The following FSTL4 variants were observed in gnomAD, a reference collection of about 807,000 sequenced individuals.
FSTL4 encodes the protein follistatin-related protein 4.
FSTL4 carries 28 observed loss-of-function variants against 78.2 expected under a neutral mutation model. The ratio of observed to expected loss-of-function variants is 0.36; its 90% CI spans 0.27 to 0.49. FSTL4 has a LOEUF of 0.49. Among genes scored for constraint, FSTL4 ranks in the 20% least tolerant of loss-of-function variants. FSTL4 has a pLI of 0.98. For synonymous variants in FSTL4, 422 were observed against 440.5 expected, an observed-to-expected ratio of 0.96 and a Z score of 0.53; for missense variants, 922 against 1,084.9, an observed-to-expected ratio of 0.85 and a Z score of 2.11.
At chr5:133,631,732 A>C in the FSTL4 span, among the ~76,000 whole-genome samples, 5 of 152,238 alleles carry the variant, frequency 3.3e-5, no homozygotes, top group Non-Finnish European at 5.9e-5. Flanking sequence ...ACAATAGCAA[A>C]TACTTGAAAC....
At chr5:133,543,256 T>C (rs973883719) in intron 3 of FSTL4, among the ~76,000 whole-genome samples, 1 of 152,146 alleles carries the variant, frequency 6.6e-6, no homozygotes, top group South Asian at 2.1e-4. Flanking sequence ...CCCACTGTGT[T>C]GCTCAGGCTT....
chr5:133,363,971 A>G (rs1755124651), intron 4 of FSTL4, among the ~76,000 whole-genome samples: 1 of 152,172 alleles, frequency 6.6e-6, no homozygotes, highest in Non-Finnish European at 1.5e-5. Context: ...AACACTTGCC[A>G]CTTTGCAATA....
intron 3 of FSTL4, among the ~76,000 whole-genome samples, chr5:133,402,106 C>T (rs1243137678): frequency 6.6e-6 from 1 of 152,080 alleles, no homozygotes; most frequent in Non-Finnish European, 1.5e-5. Flanking sequence ...ACACCAGCAG[C>T]CTTTCCCCAC....
At chr5:133,420,506 G>T (rs1323595142) in intron 3 of FSTL4, among the ~76,000 whole-genome samples, 2 of 152,194 alleles carry the variant, frequency 1.3e-5, no homozygotes, top group East Asian at 3.8e-4. Flanking sequence ...GCAATCCAGG[G>T]CTTCACACCT....
intron 6 of FSTL4, among the ~76,000 whole-genome samples, chr5:133,282,756 G>A (rs1211000645): frequency 6.6e-6 from 1 of 152,076 alleles, no homozygotes; most frequent in Non-Finnish European, 1.5e-5. Context: ...CCCTCACCTG[G>A]GCTCAGCCCC....
intron 3 of FSTL4, among the ~76,000 whole-genome samples, chr5:133,466,562 T>C (rs1486399145): frequency 1.3e-5 from 2 of 151,484 alleles, no homozygotes; most frequent in Non-Finnish European, 2.9e-5. Context: ...AAAAAGAACA[T>C]TTACCAATCC....
At chr5:133,632,646 C>T in the FSTL4 span, among the ~76,000 whole-genome samples, 1 of 152,016 alleles carries the variant, frequency 6.6e-6, no homozygotes, top group South Asian at 2.1e-4. Context: ...GTGCCACTTC[C>T]TTCTGGCCTC....
At chr5:133,350,587 G>A (rs1488756101) in intron 4 of FSTL4, among the ~76,000 whole-genome samples, 2 of 152,204 alleles carry the variant, frequency 1.3e-5, no homozygotes, top group African/African-American at 2.4e-5. Context: ...TAAATTTTCT[G>A]TAACAGGTAC....
At chr5:133,581,975 G>T (rs1760421919) in intron 2 of FSTL4, among the ~76,000 whole-genome samples, 1 of 152,240 alleles carries the variant, frequency 6.6e-6, no homozygotes, top group Admixed American at 6.5e-5. Context: ...AGGGTGCCCT[G>T]TTACTCCCAC....
chr5:133,370,012 C>G (rs1035972590), intron 4 of FSTL4, among the ~76,000 whole-genome samples: 2 of 152,138 alleles, frequency 1.3e-5, no homozygotes, highest in Non-Finnish European at 2.9e-5. Flanking sequence ...GCCCTCCACC[C>G]ACCCAAGCCA....
intron 2 of FSTL4, among the ~76,000 whole-genome samples, chr5:133,578,355 C>T (rs932912285): frequency 1.3e-5 from 2 of 152,316 alleles, no homozygotes; most frequent in East Asian, 1.9e-4. Context: ...GGAAGCCACC[C>T]GGATACTTCC....
chr5:133,769,319 T>C, the FSTL4 span, among the ~76,000 whole-genome samples: 5 of 152,198 alleles, frequency 3.3e-5, no homozygotes, highest in Non-Finnish European at 5.9e-5. Context: ...TCCAGAATCA[T>C]TTATAAGGAG....
chr5:133,722,101 C>T, the FSTL4 span, among the ~76,000 whole-genome samples: 2 of 152,060 alleles, frequency 1.3e-5, no homozygotes, highest in Non-Finnish European at 2.9e-5. Context: ...GGCCACAGAC[C>T]AGTACCAGTC....
At chr5:133,831,098 T>C in the FSTL4 span, among the ~76,000 whole-genome samples, 1 of 152,052 alleles carries the variant, frequency 6.6e-6, no homozygotes, top group Non-Finnish European at 1.5e-5. Context: ...ATACTGAAAA[T>C]GAAACCATGG....
At chr5:133,667,899 A>G in the FSTL4 span, among the ~76,000 whole-genome samples, 1 of 152,262 alleles carries the variant, frequency 6.6e-6, no homozygotes, top group Non-Finnish European at 1.5e-5. Context: ...GGCACACAGT[A>G]GACAATAAAC....
intron 7 of FSTL4, among the ~76,000 whole-genome samples, chr5:133,234,578 G>A (rs567444010): frequency 6.6e-5 from 10 of 152,208 alleles, no homozygotes; most frequent in Non-Finnish European, 1.3e-4. Flanking sequence ...CCCTCATCAG[G>A]TTGGGCCTTG....
the FSTL4 span, among the ~76,000 whole-genome samples, chr5:133,682,096 C>A: frequency 6.6e-5 from 10 of 152,176 alleles, no homozygotes; most frequent in African/African-American, 2.4e-4. Flanking sequence ...GTGGCACCCA[C>A]CCTCTTGGCC....
the FSTL4 span, among the ~76,000 whole-genome samples, chr5:133,631,893 G>T: frequency 6.6e-6 from 1 of 152,066 alleles, no homozygotes; most frequent in Non-Finnish European, 1.5e-5. Context: ...CAAAGTAACA[G>T]AGGAACAGAA....
At chr5:133,290,941 C>T (rs776093078) in intron 6 of FSTL4, among the ~76,000 whole-genome samples, 8 of 152,220 alleles carry the variant, frequency 5.3e-5, no homozygotes, top group Non-Finnish European at 8.8e-5. Flanking sequence ...CCAGTGAGTC[C>T]GCAGTGCTGG....
Sources: allele counts gnomAD v4.1 joint callset (sites outside exome capture counted in the v4.1 genomes callset), GRCh38; gene constraint gnomAD v4.1.1; transcripts MANE v1.5; gene names NCBI Gene and HGNC (gene_info 2026-07-23, HGNC 2026-07-21).